ARID1A: variants seen among roughly 807,000 people sequenced by gnomAD.
ARID1A encodes the protein AT-rich interaction domain 1A, also known as AT-rich interactive domain-containing protein 1A.
In ARID1A, 20 loss-of-function variants were observed where a neutral mutation model predicts 212.6. The observed-to-expected ratio is 0.09, with a 90% CI of 0.07 to 0.14. The LOEUF is 0.14. Among genes scored for constraint, ARID1A ranks in the 10% least tolerant of loss-of-function variants. The probability of loss-of-function intolerance (pLI) is 1.00; values close to 1 mark genes in which losing one functional copy is unlikely to be tolerated. For synonymous variants in ARID1A, 1,376 were observed against 1,222.1 expected, an observed-to-expected ratio of 1.13 and a Z score of -2.63; for missense variants, 2,587 against 3,059.0, an observed-to-expected ratio of 0.85 and a Z score of 3.64.
chr1:26,756,268 C>G (rs922934121), intron 4 of ARID1A, among the ~76,000 whole-genome samples: 3 of 151,674 alleles, frequency 2.0e-5, no homozygotes, highest in Non-Finnish European at 4.4e-5. Context: ...TAAAAATTAG[C>G]CGGGGGGCCA....
At chr1:26,720,383 G>C (rs1182027902) in intron 1 of ARID1A, among the ~76,000 whole-genome samples, 3 of 151,282 alleles carry the variant, frequency 2.0e-5, no homozygotes, top group Non-Finnish European at 2.9e-5. Context: ...TGTGGCAGGA[G>C]AATCACATGA....
chr1:26,780,778 C>A lies in ARID1A; in HGVS notation c.*22C>A. 4 of 1,544,182 alleles carry A rather than the reference C, an allele frequency of 2.6e-6. No individual in the cohort carries two copies. The highest frequency in any genetic ancestry group is 3.5e-6 in the Non-Finnish European group (4 of 1,146,390). The stretch of plus-strand genomic sequence containing the variant: ...ATGACAGCCGTGGGACACCTCCCCC[C>A]CCCGTGTGTGTGTGCGTGTGTGGAG... On this transcript the variant is annotated 3_prime_UTR_variant, in exon 20 of 20. Transcript: ENST00000324856. The surrounding 1 kb of genome is among the most constrained non-coding windows in gnomAD (Gnocchi z 7.2).
Position 26,760,070 on chromosome 1 carries a change from A to T in ARID1A, c.1921-786A>T, listed in dbSNP as rs78132271. ...ATAAATGTTTCCCAAACTTGTTAAC[A>T]TTCTCTTGTAGCTCCTGGTGCCATC... is the stretch of plus-strand genomic sequence containing the variant. On this transcript the variant is annotated intron_variant, in intron 4 of 19. Transcript: ENST00000324856. Among the ~76,000 whole-genome samples, 142 of 152,338 alleles carry T rather than the reference A, an allele frequency of 9.3e-4. 1 individual carries two copies. In the East Asian group the frequency reaches 0.021, roughly 22 times the overall value.
intron 4 of ARID1A, among the ~76,000 whole-genome samples, chr1:26,742,956 C>T (rs1291698448): frequency 1.3e-5 from 2 of 152,030 alleles, no homozygotes; most frequent in African/African-American, 2.4e-5. Flanking sequence ...TGTGACAGAG[C>T]GAGACTGTCT....
rs2124055615 is a variant in ARID1A at position 26,760,994 on chromosome 1, C to G, written c.2059C>G (p.Pro687Ala). 6.2e-7 allele frequency: 1 copy of G among 1,614,094 alleles called. No homozygotes were observed. The stretch of plus-strand genomic sequence containing the variant: ...GTCTCCTTTCTCTCCTCATACCTCC[C>G]CTCACCTGCCTGGCATCCGAGGCCC... ...AQSPFSPHTS[P>A]HLPGIRGPSP... The change falls in exon 5 of 20, where the codon CCT becomes GCT. Residue 687 changes from proline to alanine, a missense_variant. Pro to Ala is a conservative substitution (Grantham distance 27). Coordinates refer to ENST00000324856, the MANE Select transcript of ARID1A (RefSeq NM_006015.6).
intron 11 of ARID1A, chr1:26,770,058 A>G (rs1219228317): frequency 1.3e-5 from 2 of 152,242 alleles, no homozygotes; most frequent in African/African-American, 2.4e-5. Context: ...TACTAAAAAT[A>G]TAAAAATCAG....
intron 4 of ARID1A, among the ~76,000 whole-genome samples, chr1:26,744,195 C>T (rs923954271): frequency 6.6e-6 from 1 of 152,234 alleles, no homozygotes; most frequent in South Asian, 2.1e-4. Flanking sequence ...GCTTCTCCAT[C>T]TTAGTCACAC....
chr1:26,742,108 C>T (rs1041970365), intron 4 of ARID1A, among the ~76,000 whole-genome samples: 2 of 152,200 alleles, frequency 1.3e-5, no homozygotes, highest in Admixed American at 6.5e-5. Context: ...TCCAGCATCC[C>T]ACCCAGTAGA....
At chr1:26,730,197 C>T (rs2080660184) in intron 2 of ARID1A, among the ~76,000 whole-genome samples, 1 of 152,198 alleles carries the variant, frequency 6.6e-6, no homozygotes, top group Non-Finnish European at 1.5e-5. Context: ...ATTAGGAAAA[C>T]CATTCATATC....
intron 19 of ARID1A, among the ~76,000 whole-genome samples, chr1:26,776,364 C>T (rs2081136013): frequency 2.0e-5 from 3 of 151,666 alleles, no homozygotes; most frequent in Admixed American, 2.0e-4. Context: ...ACTTCCGCCT[C>T]CTGGGTACAT....
In ARID1A at chr1:26,766,441, T is replaced by C. The variant is rs775219314; in HGVS notation, c.2879-16T>C. Reference sequence around the variant, plus strand: ...GCTAAACTTACTGGACTTGAGAATTTTTTTCTCTTTTACAGGGATGGCAGC... The same window carrying C: ...GCTAAACTTACTGGACTTGAGAATTCTTTTCTCTTTTACAGGGATGGCAGC... On this transcript the variant is annotated splice_polypyrimidine_tract_variant and intron_variant, in intron 9 of 19. Coordinates refer to ENST00000324856, the MANE Select transcript of ARID1A (RefSeq NM_006015.6). The C allele has an allele frequency of 6.2e-7, 1 of 1,613,820 alleles. No homozygotes were observed. The highest frequency in any genetic ancestry group is 8.5e-7 in the Non-Finnish European group (1 of 1,179,928).
Position 26,780,318 on chromosome 1 carries a change from C to T in ARID1A, c.6420C>T (p.Pro2140=), listed in dbSNP as rs1557621041. Residue 2140 remains proline, a synonymous_variant, in exon 20 of 20, where the codon CCC becomes CCT. Transcript: ENST00000324856. This position sits in a 1 kb window ranked among gnomAD's most constrained non-coding sequence, Gnocchi z 7.2. ...TGGACCTGATTCTGGCCACACCCCC[C>T]TTCAGCCGCCTGGAGAAGTTGTATA... is the stretch of plus-strand genomic sequence containing the variant. ...NNVDLILATP[P]FSRLEKLYST... 2.5e-6 allele frequency: 4 copies of T among 1,614,228 alleles called. No individual in the cohort carries two copies. The highest frequency in any genetic ancestry group is 3.3e-4 in the Middle Eastern group (2 of 6,062).
chr1:26,754,096 C>T (rs968826432), intron 4 of ARID1A, among the ~76,000 whole-genome samples: 2 of 152,154 alleles, frequency 1.3e-5, no homozygotes, highest in African/African-American at 4.8e-5. Context: ...CATGAGCCAC[C>T]ACACCTGGCC....
At chr1:26,731,670 T>C (rs2080679572) in intron 3 of ARID1A, 66 bp downstream of exon 3, 2 of 1,544,350 alleles carry the variant, frequency 1.3e-6, no homozygotes, top group Non-Finnish European at 1.8e-6. Flanking sequence ...GTTAGTGTCA[T>C]GAGAACTTTG....
intron 4 of ARID1A, among the ~76,000 whole-genome samples, chr1:26,759,159 C>T (rs368791526): frequency 2.6e-5 from 4 of 152,154 alleles, no homozygotes; most frequent in African/African-American, 9.7e-5. Context: ...ACTTGGATCT[C>T]CTCCTCCTTG....
Position 26,772,877 on chromosome 1 carries a change from G to A in ARID1A, c.3605G>A (p.Arg1202Gln), listed in dbSNP as rs1424078801. Reference protein sequence around the residue: ...NDGSDSTFQKRNSMTPNPGYQ... With the variant: ...NDGSDSTFQKQNSMTPNPGYQ... ...GGAAGTGACTCCACATTCCAGAAGC[G>A]GAATTCCATGACTCCAAACCCTGGG... Residue 1202 changes from arginine (R) to glutamine (Q), a missense_variant, in exon 14 of 20, where the codon CGG becomes CAG. By Grantham distance (43) the Arg-to-Gln change is conservative. Transcript: ENST00000324856. 3.1e-6 allele frequency: 5 copies of A among 1,614,100 alleles called. No homozygotes were observed. The highest frequency in any genetic ancestry group is 1.6e-4 in the Middle Eastern group (1 of 6,062).
chr1:26,757,060 C>A (rs1186865242), intron 4 of ARID1A, among the ~76,000 whole-genome samples: 2 of 151,830 alleles, frequency 1.3e-5, no homozygotes, highest in Non-Finnish European at 2.9e-5. Flanking sequence ...TAACAAGACA[C>A]AAAAATGATC....
At chr1:26,753,034 T>G (rs954875933) in intron 4 of ARID1A, 1 of 152,226 alleles carries the variant, frequency 6.6e-6, no homozygotes, top group Non-Finnish European at 1.5e-5. Context: ...ATACTTAACC[T>G]GTTGCCATTT....
At chr1:26,737,407 C>T (rs1024644673) in intron 4 of ARID1A, among the ~76,000 whole-genome samples, 8 of 152,120 alleles carry the variant, frequency 5.3e-5, no homozygotes, top group African/African-American at 1.7e-4. Flanking sequence ...CATGCACCAC[C>T]TTGCCTGGCC....
Sources: allele counts gnomAD v4.1 joint callset (sites outside exome capture counted in the v4.1 genomes callset), GRCh38; gene constraint gnomAD v4.1.1; non-coding constraint Gnocchi (gnomAD v3.1); transcripts MANE v1.5; gene names NCBI Gene and HGNC (gene_info 2026-07-23, HGNC 2026-07-21).